The following ANKRD17 variants were observed in gnomAD, a reference collection of about 807,000 sequenced individuals.
ANKRD17 encodes ankyrin repeat domain-containing protein 17.
ANKRD17 carries 19 observed loss-of-function variants against 229.7 expected under a neutral mutation model. The ratio of observed to expected loss-of-function variants is 0.08; its 90% CI spans 0.06 to 0.12. The LOEUF is 0.12. Among genes scored for constraint, ANKRD17 ranks in the 10% least tolerant of loss-of-function variants. ANKRD17 has a pLI of 1.00. For synonymous variants in ANKRD17, 1,112 were observed against 1,146.1 expected (o/e 0.97, Z 0.60); for missense variants, 2,176 against 3,176.8 (o/e 0.68, Z 7.57).
intron 24 of ANKRD17, among the ~76,000 whole-genome samples, chr4:73,107,153 G>A (rs1249957124): frequency 6.6e-6 from 1 of 152,096 alleles, no homozygotes; most frequent in African/African-American, 2.4e-5. Flanking sequence ...AATATATAGA[G>A]GGTCTAATAT....
intron 13 of ANKRD17, 68 bp from the exon 14 acceptor site, chr4:73,141,911 A>T: frequency 8.5e-7 from 1 of 1,178,622 alleles, no homozygotes; most frequent in Non-Finnish European, 1.2e-6. Context: ...GCTCTAAATA[A>T]AGAATAAATT....
intron 6 of ANKRD17, 59 bp downstream of exon 6, chr4:73,153,820 TA>T: frequency 1.7e-6 from 2 of 1,160,104 alleles, no homozygotes. Context: ...CAAGATTACA[TA>T]AAATAATTAT....
intron 30 of ANKRD17, among the ~76,000 whole-genome samples, chr4:73,081,224 G>C (rs1298814614): frequency 2.0e-5 from 3 of 152,220 alleles, no homozygotes; most frequent in Non-Finnish European, 2.9e-5. Context: ...GGGTTAACTG[G>C]TTTAATTAAT....
chr4:73,200,929 T>C (rs1014079520), intron 1 of ANKRD17, among the ~76,000 whole-genome samples: 4 of 116,292 alleles, frequency 3.4e-5, no homozygotes, highest in Admixed American at 1.3e-4. Context: ...TGAACTTAGA[T>C]ACCCAGAATA....
At chr4:73,168,705 T>C (rs1733566998) in intron 2 of ANKRD17, among the ~76,000 whole-genome samples, 1 of 152,250 alleles carries the variant, frequency 6.6e-6, no homozygotes, top group Non-Finnish European at 1.5e-5. Context: ...AGCCAGCCCC[T>C]GGCCACAGCA....
intron 21 of ANKRD17, among the ~76,000 whole-genome samples, chr4:73,119,615 G>A (rs778629118): frequency 3.3e-5 from 5 of 152,218 alleles, no homozygotes; most frequent in Non-Finnish European, 5.9e-5. Context: ...AGCAGTTACT[G>A]CCAAATACTA....
chr4:73,248,424 A>C (rs1216999400), intron 1 of ANKRD17, among the ~76,000 whole-genome samples: 1 of 152,148 alleles, frequency 6.6e-6, no homozygotes, highest in African/African-American at 2.4e-5. Context: ...AATCATCTTC[A>C]CAGTTTTAAA....
At chr4:73,116,775 T>C (rs776773865) in intron 22 of ANKRD17, among the ~76,000 whole-genome samples, 4 of 151,904 alleles carry the variant, frequency 2.6e-5, no homozygotes, top group African/African-American at 4.8e-5. Context: ...CTATATAACA[T>C]AGTATATGTT....
At chr4:73,200,193 A>G (rs531041260) in intron 1 of ANKRD17, among the ~76,000 whole-genome samples, 20 of 152,316 alleles carry the variant, frequency 1.3e-4, no homozygotes, top group African/African-American at 4.6e-4. Context: ...TCCATTCAGT[A>G]TTTAGTAAAT....
In ANKRD17 at chr4:73,089,258, A is replaced by G. The variant is rs925107851; in HGVS notation, c.6961+1409T>C. Among the ~76,000 whole-genome samples, 5 of 151,466 alleles carry G rather than the reference A, an allele frequency of 3.3e-5. No homozygotes were observed. The East Asian group carries it at 9.7e-4, about 29-fold the overall frequency. On this transcript the variant is annotated intron_variant, in intron 29 of 33. Transcript: ENST00000358602. ...CCCCTTAAGCCCAGGCTGGTCTGGAACTCCTGGGCTTAAGCAATCGACCCA... is the reference window on the plus strand; with the variant it reads ...CCCCTTAAGCCCAGGCTGGTCTGGAGCTCCTGGGCTTAAGCAATCGACCCA...
intron 1 of ANKRD17, among the ~76,000 whole-genome samples, chr4:73,189,403 GTTTTT>G (rs763345325): frequency 1.7e-4 from 19 of 112,692 alleles, no homozygotes; most frequent in African/African-American, 4.9e-4. Flanking sequence ...TGCCTGGAAT[GTTTTT>G]TTTTTTTTTT....
At chr4:73,167,449 C>A (rs1733385241) in intron 2 of ANKRD17, among the ~76,000 whole-genome samples, 1 of 152,174 alleles carries the variant, frequency 6.6e-6, no homozygotes, top group Non-Finnish European at 1.5e-5. Context: ...CTCCAAAAAT[C>A]AGCTTTTATG....
Position 73,092,057 on chromosome 4 carries a change from A to C in ANKRD17, c.5571T>G (p.Ile1857Met), listed in dbSNP as rs759376374. 5.0e-6 allele frequency: 8 copies of C among 1,614,176 alleles called. No individual in the cohort carries two copies. The highest frequency in any genetic ancestry group is 6.8e-6 in the Non-Finnish European group (8 of 1,180,030). The part of the protein sequence containing the change: ...QTATALTVPA[I>M]SSASTHKTIK... ...TGGTTTTGTGAGTGGATGCAGAAGA[A>C]ATTGCAGGCACAGTGAGTGCTGTGG... The change falls in exon 29 of 34, where the codon ATT (isoleucine) becomes ATG (methionine). Residue 1857 changes from isoleucine to methionine, a missense_variant. Ile to Met is a conservative substitution (Grantham distance 10, BLOSUM62 1). Coordinates refer to ENST00000358602, the MANE Select transcript of ANKRD17 (RefSeq NM_032217.5).
chr4:73,078,248 G>A (rs1577974394), intron 31 of ANKRD17, among the ~76,000 whole-genome samples: 2 of 152,306 alleles, frequency 1.3e-5, no homozygotes, highest in Non-Finnish European at 2.9e-5. Flanking sequence ...GTGGTGGCGG[G>A]CGCCTGTAGT....
At chr4:73,182,320 A>G (rs973547439) in intron 1 of ANKRD17, among the ~76,000 whole-genome samples, 1 of 152,096 alleles carries the variant, frequency 6.6e-6, no homozygotes, top group African/African-American at 2.4e-5. Context: ...GGCATAAAGA[A>G]CCATCAAAAT....
chr4:73,077,558 C>A, intron 31 of ANKRD17, 25 bp from the exon 32 acceptor site: 2 of 1,523,670 alleles, frequency 1.3e-6, no homozygotes, highest in Non-Finnish European at 8.8e-7. Flanking sequence ...AGAGGCAAAA[C>A]AAAAATAGAT....
At chr4:73,112,564 C>T in intron 24 of ANKRD17, 1 of 484,552 alleles carries the variant, frequency 2.1e-6, no homozygotes, top group Non-Finnish European at 2.7e-6. Context: ...AAATAAAATA[C>T]ATTTTTTCAG....
At chr4:73,206,298 C>T (rs1051215109) in intron 1 of ANKRD17, among the ~76,000 whole-genome samples, 5 of 151,896 alleles carry the variant, frequency 3.3e-5, no homozygotes, top group East Asian at 1.9e-4. Flanking sequence ...CCCATGTTCA[C>T]GGCACCATTG....
At chr4:73,179,448 CTGTGTATATATGTATATATG>C (rs1212435383) in intron 1 of ANKRD17, among the ~76,000 whole-genome samples, 1 of 100,864 alleles carries the variant, frequency 9.9e-6, no homozygotes, top group Non-Finnish European at 2.0e-5. Flanking sequence ...GTATATATAT[CTGTGTATATATGTATATATG>C]TGTGTGTGTG....
Sources: allele counts gnomAD v4.1 joint callset (sites outside exome capture counted in the v4.1 genomes callset), GRCh38; gene constraint gnomAD v4.1.1; transcripts MANE v1.5; gene names NCBI Gene and HGNC (gene_info 2026-07-23, HGNC 2026-07-21).